The following FALEC variants were observed in gnomAD, a reference collection of about 807,000 sequenced individuals.
FALEC encodes the protein focally amplified lncRNA regulator of ECM1.
At chr1:150,525,640 C>T in the FALEC span, among the ~76,000 whole-genome samples, 1 of 152,152 alleles carries the variant, frequency 6.6e-6, no homozygotes. Flanking sequence ...TGGTGTTTTC[C>T]TCTGTCACCC....
chr1:150,520,081 G>A (rs1490128456), downstream of FALEC, among the ~76,000 whole-genome samples: 1 of 152,070 alleles, frequency 6.6e-6, no homozygotes, highest in Admixed American at 6.6e-5. Context: ...TCCGGGAGGT[G>A]GAGGTTGTCA....
chr1:150,524,086 T>G, the FALEC span, among the ~76,000 whole-genome samples: 1 of 152,234 alleles, frequency 6.6e-6, no homozygotes, highest in Non-Finnish European at 1.5e-5. Context: ...ACATTTGGCC[T>G]CTGGAACTAT....
At chr1:150,523,372 G>A in the FALEC span, among the ~76,000 whole-genome samples, 3 of 150,842 alleles carry the variant, frequency 2.0e-5, no homozygotes, top group Admixed American at 6.6e-5. Flanking sequence ...CATATGTGGC[G>A]ACCAGGCGCG....
the FALEC span, among the ~76,000 whole-genome samples, chr1:150,523,163 T>G: frequency 2.1e-5 from 3 of 143,650 alleles, no homozygotes; most frequent in African/African-American, 7.7e-5. Context: ...AACTTAATTT[T>G]TATATTGTTA....
At chr1:150,524,331 T>G in the FALEC span, among the ~76,000 whole-genome samples, 2 of 151,112 alleles carry the variant, frequency 1.3e-5, no homozygotes, top group East Asian at 3.9e-4. Context: ...TTTCTTTAAA[T>G]TTAAATATTA....
the FALEC span, among the ~76,000 whole-genome samples, chr1:150,529,016 C>CAAAAAAAAAA: frequency 1.1e-3 from 65 of 59,278 alleles, 3 homozygotes; most frequent in African/African-American, 2.5e-3. Context: ...AAATAAATAG[C>CAAAAAAAAAA]AAAAAAAAAA....
At chr1:150,533,939 G>T in the FALEC span, among the ~76,000 whole-genome samples, 1 of 152,212 alleles carries the variant, frequency 6.6e-6, no homozygotes, top group Non-Finnish European at 1.5e-5. Context: ...GACGTGTCGT[G>T]GATCCTGTGT....
chr1:150,527,508 CT>C, the FALEC span, among the ~76,000 whole-genome samples: 2 of 152,126 alleles, frequency 1.3e-5, no homozygotes, highest in Non-Finnish European at 2.9e-5. Flanking sequence ...ATCTGCCCGC[CT>C]CAGCCTCCCA....
intron 1 of FALEC, among the ~76,000 whole-genome samples, chr1:150,517,134 C>A (rs746754572): frequency 6.6e-6 from 1 of 151,992 alleles, no homozygotes; most frequent in African/African-American, 2.4e-5. Context: ...GCCGTCCCTA[C>A]TAAAAATACA....
chr1:150,532,279 G>T, the FALEC span, among the ~76,000 whole-genome samples: 3 of 152,166 alleles, frequency 2.0e-5, no homozygotes, highest in African/African-American at 7.2e-5. Context: ...GGGAGCAGAG[G>T]CTGGACCGTC....
the FALEC span, among the ~76,000 whole-genome samples, chr1:150,523,822 A>G: frequency 2.8e-3 from 420 of 152,254 alleles, 3 homozygotes; most frequent in African/African-American, 9.6e-3. Flanking sequence ...GATACAGCCA[A>G]GGGTATGGAT....
At chr1:150,522,465 AT>A (rs1430601231), downstream of FALEC, among the ~76,000 whole-genome samples, 10 of 151,922 alleles carry the variant, frequency 6.6e-5, no homozygotes, top group African/African-American at 2.4e-4. Context: ...TCTACTAAAA[AT>A]ACAAAAAGTA....
intron 1 of FALEC, among the ~76,000 whole-genome samples, chr1:150,517,166 G>A (rs755012074): frequency 6.6e-6 from 1 of 152,118 alleles, no homozygotes; most frequent in African/African-American, 2.4e-5. Context: ...GCATGATGGC[G>A]CATGCCTCTA....
chr1:150,534,860 T>A, the FALEC span, among the ~76,000 whole-genome samples: 3 of 130,298 alleles, frequency 2.3e-5, no homozygotes, highest in Non-Finnish European at 1.7e-5. Context: ...AAAAAAAAAA[T>A]GTCCTCTCTA....
At chr1:150,526,009 A>G in the FALEC span, among the ~76,000 whole-genome samples, 1 of 151,972 alleles carries the variant, frequency 6.6e-6, no homozygotes, top group African/African-American at 2.4e-5. Flanking sequence ...TTCACTCAGC[A>G]TAATATTTTC....
chr1:150,520,783 C>CTTT (rs71086518), downstream of FALEC, among the ~76,000 whole-genome samples: 129 of 42,822 alleles, frequency 3.0e-3, 22 homozygotes, highest in African/African-American at 9.4e-3. Flanking sequence ...CTTTTCTTTT[C>CTTT]TTTTTTTTTT....
chr1:150,520,858 A>G (rs753239378), downstream of FALEC, among the ~76,000 whole-genome samples: 23 of 132,698 alleles, frequency 1.7e-4, no homozygotes, highest in Non-Finnish European at 2.9e-4. Flanking sequence ...CAGTGGTGCA[A>G]TCTTGGCTCA....
the FALEC span, among the ~76,000 whole-genome samples, chr1:150,530,562 C>T: frequency 1.3e-5 from 2 of 152,054 alleles, no homozygotes; most frequent in Non-Finnish European, 2.9e-5. Flanking sequence ...TTTTTACTGC[C>T]CAGGGCCCAA....
downstream of FALEC, among the ~76,000 whole-genome samples, chr1:150,522,408 A>G (rs1298968193): frequency 6.6e-6 from 1 of 152,086 alleles, no homozygotes; most frequent in Non-Finnish European, 1.5e-5. Flanking sequence ...GGATCGCCCA[A>G]GGTCAGGAGT....
Sources: allele counts gnomAD v4.1 joint callset (sites outside exome capture counted in the v4.1 genomes callset), GRCh38; gene constraint gnomAD v4.1.1; transcripts MANE v1.5; gene names NCBI Gene and HGNC (gene_info 2026-07-23, HGNC 2026-07-21).